Variants in FAM13B observed in about 807,000 individuals in gnomAD.
The protein encoded by FAM13B is protein FAM13B.
Under a neutral mutation model 117.3 loss-of-function variants are expected in FAM13B, and 60 were observed. The observed-to-expected ratio is 0.51, with a 90% CI of 0.42 to 0.63. FAM13B has a LOEUF of 0.63. Ranked by LOEUF, FAM13B falls within the 30% of genes least tolerant of loss-of-function variation. The pLI, the probability that FAM13B is intolerant of heterozygous loss-of-function variation, is 0.00. For synonymous variants in FAM13B, 332 were observed against 356.1 expected, an observed-to-expected ratio of 0.93 and a Z score of 0.76; for missense variants, 972 against 1,091.9, an observed-to-expected ratio of 0.89 and a Z score of 1.55.
chr5:138,004,890 T>C (rs1203619035), intron 7 of FAM13B, among the ~76,000 whole-genome samples: 1 of 151,952 alleles, frequency 6.6e-6, no homozygotes, highest in Non-Finnish European at 1.5e-5. Flanking sequence ...TAAATAATAA[T>C]AAATACACAG....
At chr5:137,971,518 T>G (rs4835741) in intron 10 of FAM13B, among the ~76,000 whole-genome samples, 1 of 142,140 alleles carries the variant, frequency 7.0e-6, no homozygotes, top group Non-Finnish European at 1.5e-5. Context: ...AGGAAAGATC[T>G]AAAATTGACA....
At chr5:137,977,632 G>A (rs1276011474) in intron 10 of FAM13B, among the ~76,000 whole-genome samples, 2 of 152,036 alleles carry the variant, frequency 1.3e-5, no homozygotes, top group Non-Finnish European at 2.9e-5. Context: ...ATCTCAAAGT[G>A]CTGGGATTAC....
intron 23 of FAM13B, among the ~76,000 whole-genome samples, chr5:137,941,735 AAT>A (rs1761906447): frequency 6.6e-6 from 1 of 152,242 alleles, no homozygotes. Flanking sequence ...ACAATCCGAA[AAT>A]AGTTAATCAG....
chr5:137,975,697 T>C (rs1422182260), intron 10 of FAM13B, among the ~76,000 whole-genome samples: 1 of 152,188 alleles, frequency 6.6e-6, no homozygotes. Flanking sequence ...TATCCCCTTT[T>C]ACTGAAGATT....
intron 1 of FAM13B, among the ~76,000 whole-genome samples, chr5:138,047,259 C>T (rs1469574439): frequency 6.6e-6 from 1 of 151,078 alleles, no homozygotes; most frequent in East Asian, 2.0e-4. Flanking sequence ...GTAATCTCAG[C>T]ACTTTGGGAG....
chr5:137,996,955 T>A (rs951885848), intron 7 of FAM13B, among the ~76,000 whole-genome samples: 6 of 152,200 alleles, frequency 3.9e-5, no homozygotes, highest in Non-Finnish European at 5.9e-5. Context: ...TTAAATGAAC[T>A]TTATAACACG....
rs777283631 is a variant in FAM13B at position 137,949,021 on chromosome 5, G to C, written c.2094C>G (p.Thr698=). 5.0e-6 allele frequency: 8 copies of C among 1,613,958 alleles called. No individual in the cohort carries two copies. In the Admixed American group the frequency reaches 8.3e-5, roughly 17 times the overall value. The part of the protein sequence containing the change: ...QKEKKPSKEA[T]LELILKRLKE... ...TCAGTCTTTTAAGAATAAGTTCAAGGGTTGCTTCTTTAGATGGTTTTTTCT... is the reference window on the plus strand; with the variant it reads ...TCAGTCTTTTAAGAATAAGTTCAAGCGTTGCTTCTTTAGATGGTTTTTTCT... Residue 698 remains threonine, a synonymous_variant, in exon 18 of 24, where the codon ACC becomes ACG. Coordinates refer to ENST00000689681, the MANE Select transcript of FAM13B (RefSeq NM_001385994.1).
At chr5:137,964,906 C>T (rs889715683) in intron 10 of FAM13B, among the ~76,000 whole-genome samples, 7 of 152,072 alleles carry the variant, frequency 4.6e-5, no homozygotes, top group African/African-American at 1.7e-4. Flanking sequence ...GAGGCTCACA[C>T]TTGTAATCCC....
chr5:137,962,476 A>G lies in FAM13B; in HGVS notation c.1180-7T>C, dbSNP rs1364583515. On this transcript the variant is annotated splice_polypyrimidine_tract_variant and splice_region_variant and intron_variant, in intron 10 of 23. Transcript: ENST00000689681. ...CTAACAATATACCTACAGACTGACA[A>G]AAAGAACACTACCATGTATTAATGG... 1 of 1,612,460 alleles carries G rather than the reference A, an allele frequency of 6.2e-7. No homozygotes were observed. The highest frequency in any genetic ancestry group is 2.2e-5 in the East Asian group (1 of 44,838).
intron 10 of FAM13B, among the ~76,000 whole-genome samples, chr5:137,975,939 G>A (rs956623593): frequency 4.7e-5 from 7 of 149,420 alleles, no homozygotes; most frequent in Non-Finnish European, 7.4e-5. Context: ...GAGTGGGGAA[G>A]GGGGGAATAT....
chr5:137,976,335 T>C (rs1259314901), intron 10 of FAM13B, among the ~76,000 whole-genome samples: 4 of 152,130 alleles, frequency 2.6e-5, no homozygotes, highest in Non-Finnish European at 5.9e-5. Context: ...TCACCTGATA[T>C]TCATTCTCAA....
rs865873418 is a variant in FAM13B at position 138,024,810 on chromosome 5, C to G, written c.-202-3613G>C. ...CAAAATTTATACACACACACACACA[C>G]ACAGAGAGAGAGAGAGAGAGAGAGA... On this transcript the variant is annotated intron_variant, in intron 1 of 23. Transcript: ENST00000689681. Among the ~76,000 whole-genome samples, 183 of 19,268 alleles carry G rather than the reference C, an allele frequency of 9.5e-3. 4 individuals are homozygous for G. Among genetic ancestry groups the G allele is most frequent in the Middle Eastern group, 0.088 (3 of 34 alleles). The allele number at this position is 19,268 out of a possible 152,430, so 12.6% of individuals were successfully genotyped here.
At chr5:137,995,592 A>G (rs995022942) in intron 7 of FAM13B, among the ~76,000 whole-genome samples, 2 of 152,354 alleles carry the variant, frequency 1.3e-5, no homozygotes, top group East Asian at 3.9e-4. Flanking sequence ...AAAAATGAAC[A>G]TATAAAACAA....
chr5:138,007,813 T>C (rs1385584900), intron 6 of FAM13B, among the ~76,000 whole-genome samples: 1 of 152,166 alleles, frequency 6.6e-6, no homozygotes, highest in Non-Finnish European at 1.5e-5. Context: ...ACTGAAATAT[T>C]AGAGAAGGAA....
At position 138,032,975 on chromosome 5, in the gene FAM13B, C is replaced by G; in HGVS notation, c.-396G>C. The G allele has an allele frequency of 7.1e-6, 7 of 986,534 alleles. No individual in the cohort carries two copies. Among genetic ancestry groups the G allele is most frequent in the Non-Finnish European group, 8.4e-6 (7 of 830,754 alleles). 61.1% of individuals were successfully genotyped at this position (986,534 alleles called of 1,614,324 possible). A position where few individuals can be genotyped will look rare whatever the true frequency, so the allele number is the denominator to read the frequency against. Reference sequence around the variant, plus strand: ...CCGGTAAGCGACCCCCCGGATACCCCCGGCGGTGGTGGCGACGCAGACGCG... The same window carrying G: ...CCGGTAAGCGACCCCCCGGATACCCGCGGCGGTGGTGGCGACGCAGACGCG... On this transcript the variant is annotated 5_prime_UTR_variant, in exon 1 of 24. Transcript: ENST00000689681.
chr5:138,007,919 ACT>A (rs1782958283), intron 6 of FAM13B, among the ~76,000 whole-genome samples: 1 of 152,244 alleles, frequency 6.6e-6, no homozygotes, highest in Non-Finnish European at 1.5e-5. Context: ...GTCATTAAAG[ACT>A]CTGAGCAATG....
rs989786727 is a variant in FAM13B, at chr5:137,962,322, T to C, written c.1244+83A>G. On this transcript the variant is annotated intron_variant, in intron 11 of 23. Coordinates refer to ENST00000689681, the MANE Select transcript of FAM13B (RefSeq NM_001385994.1). ...CTAAACTATATATTTATAATGGACA[T>C]TCATCTAAAAAAATCACCTCAAAAA... is the stretch of plus-strand genomic sequence containing the variant. 3 of 1,086,912 alleles carry C rather than the reference T, an allele frequency of 2.8e-6. No individual in the cohort carries two copies. The African/African-American group carries it at 4.8e-5, about 17-fold the overall frequency. The allele number at this position is 1,086,912 out of a possible 1,614,324, so 67.3% of individuals were successfully genotyped here.
chr5:137,994,541 G>A (rs1378096536), intron 7 of FAM13B, among the ~76,000 whole-genome samples: 1 of 152,180 alleles, frequency 6.6e-6, no homozygotes, highest in African/African-American at 2.4e-5. Context: ...ATATCACAGG[G>A]ATGTGAGAGC....
At chr5:137,970,722 C>T (rs1241014663) in intron 10 of FAM13B, among the ~76,000 whole-genome samples, 6 of 152,102 alleles carry the variant, frequency 3.9e-5, no homozygotes, top group South Asian at 2.1e-4. Context: ...ACCCATCTCA[C>T]GGGCAAAGAC....
Sources: allele counts gnomAD v4.1 joint callset (sites outside exome capture counted in the v4.1 genomes callset), GRCh38; gene constraint gnomAD v4.1.1; transcripts MANE v1.5; gene names NCBI Gene and HGNC (gene_info 2026-07-23, HGNC 2026-07-21).